The following RAD51B variants were observed in gnomAD, a reference collection of about 807,000 sequenced individuals.
RAD51B encodes RAD51 paralog B.
A neutral mutation model predicts 42.2 loss-of-function variants in RAD51B; 38 were observed. That is an observed-to-expected ratio of 0.90 (90% CI 0.70 to 1.18). RAD51B has a LOEUF of 1.18. Ranked by LOEUF, RAD51B falls within the 50% of genes most tolerant of loss-of-function variation. The pLI is 0.00. For synonymous variants in RAD51B, 154 were observed against 145.2 expected, an observed-to-expected ratio of 1.06 and a Z score of -0.43; for missense variants, 373 against 400.7, an observed-to-expected ratio of 0.93 and a Z score of 0.59.
At chr14:67,954,362 G>T (rs994693681) in intron 7 of RAD51B, among the ~76,000 whole-genome samples, 6 of 152,054 alleles carry the variant, frequency 3.9e-5, no homozygotes, top group Admixed American at 2.0e-4. Flanking sequence ...TTATTAGTGA[G>T]GGAAATAATA....
intron 7 of RAD51B, among the ~76,000 whole-genome samples, chr14:68,065,149 C>T (rs1328208049): frequency 6.6e-6 from 1 of 152,032 alleles, no homozygotes; most frequent in Non-Finnish European, 1.5e-5. Flanking sequence ...GTTTTAGGGT[C>T]TCAGTTGGGT....
intron 7 of RAD51B, among the ~76,000 whole-genome samples, chr14:67,946,004 A>G (rs938808020): frequency 1.3e-5 from 2 of 152,180 alleles, no homozygotes; most frequent in African/African-American, 4.8e-5. Flanking sequence ...TTGTGGAAAG[A>G]TAACTGTCTT....
At chr14:68,666,820 T>C (rs1275827930) in intron 11 of RAD51B, among the ~76,000 whole-genome samples, 2 of 152,218 alleles carry the variant, frequency 1.3e-5, no homozygotes, top group Non-Finnish European at 2.9e-5. Flanking sequence ...TCCCCCAGTG[T>C]ATTATAAAGG....
intron 8 of RAD51B, among the ~76,000 whole-genome samples, chr14:68,403,110 C>T (rs558671503): frequency 5.3e-5 from 8 of 152,300 alleles, no homozygotes; most frequent in Admixed American, 4.6e-4. Flanking sequence ...CCATCTTCTT[C>T]CCTGGATTTA....
chr14:68,470,627 C>T (rs2086099820), intron 10 of RAD51B: 2 of 499,598 alleles, frequency 4.0e-6, no homozygotes, highest in South Asian at 3.2e-5. Flanking sequence ...CATTTGAAAA[C>T]AGAGAGAGAG....
intron 7 of RAD51B, among the ~76,000 whole-genome samples, chr14:68,119,850 G>A (rs879453370): frequency 1.4e-5 from 2 of 147,150 alleles, no homozygotes; most frequent in African/African-American, 5.0e-5. Context: ...GGGATGGCTG[G>A]GTCAAATGGT....
intron 7 of RAD51B, 190 bp downstream of exon 7, chr14:67,887,394 A>G: frequency 2.3e-6 from 1 of 440,070 alleles, no homozygotes; most frequent in Admixed American, 4.0e-5. Flanking sequence ...TGCTGAGATT[A>G]TTTTATTATT....
rs572935395 is a variant in RAD51B at position 67,825,492 on chromosome 14, T to A, written c.113T>A (p.Leu38His). The A allele has an allele frequency of 6.2e-7, 1 of 1,613,602 alleles. No individual in the cohort carries two copies. Among genetic ancestry groups the A allele is most frequent in the South Asian group, 1.1e-5 (1 of 91,028 alleles). The change falls in exon 3 of 11, where the codon CTT (leucine) becomes CAT (histidine). Residue 38 changes from leucine to histidine, a missense_variant. By Grantham distance (99) the Leu-to-His change is moderately conservative (BLOSUM62 -3). Coordinates refer to ENST00000471583, the MANE Select transcript of RAD51B (RefSeq NM_133510.4). ...QDFLCLSPLE[L>H]MKVTGLSYRG... Reference sequence around the variant, plus strand: ...TTTTTATGTCTTTCCCCACTGGAGCTTATGAAGGTGACTGGTCTGAGTTAT... The same window carrying A: ...TTTTTATGTCTTTCCCCACTGGAGCATATGAAGGTGACTGGTCTGAGTTAT...
At chr14:68,039,370 G>A (rs2076182842) in intron 7 of RAD51B, among the ~76,000 whole-genome samples, 1 of 148,590 alleles carries the variant, frequency 6.7e-6, no homozygotes, top group Admixed American at 6.8e-5. Flanking sequence ...GAAGGTTGCT[G>A]TGAGCCATTA....
chr14:68,437,921 A>G (rs1051429943), intron 9 of RAD51B, among the ~76,000 whole-genome samples: 2 of 152,194 alleles, frequency 1.3e-5, no homozygotes, highest in African/African-American at 4.8e-5. Context: ...TAGATGAAGT[A>G]GGAGACTGAG....
intron 7 of RAD51B, among the ~76,000 whole-genome samples, chr14:68,126,386 T>C (rs2077760412): frequency 6.6e-6 from 1 of 152,228 alleles, no homozygotes; most frequent in African/African-American, 2.4e-5. Context: ...AAAATTACTT[T>C]CCTTCTTTAT....
rs1221297036 is a variant in RAD51B, at chr14:68,053,581, ATAGAATGG to A, written c.756+166379_756+166386del. Among the ~76,000 whole-genome samples the A allele has an allele frequency of 2.0e-5, 3 of 152,332 alleles. No individual in the cohort carries two copies. In the East Asian group the frequency reaches 5.8e-4, roughly 29 times the overall value. Reference sequence around the variant, plus strand: ...AATGATAGAGACTGAGAATGAGAAGATAGAATGGTTGTTCTGGAAGTGATTGCTTCTCT... The same window carrying A: ...AATGATAGAGACTGAGAATGAGAAGATTGTTCTGGAAGTGATTGCTTCTCT... On this transcript the variant is annotated intron_variant, in intron 7 of 10. Coordinates refer to ENST00000471583, the MANE Select transcript of RAD51B (RefSeq NM_133510.4).
chr14:68,225,148 A>T (rs750998393), intron 7 of RAD51B, among the ~76,000 whole-genome samples: 18 of 152,208 alleles, frequency 1.2e-4, no homozygotes, highest in Admixed American at 3.9e-4. Context: ...CAAACAGAAA[A>T]CACTGTAGGG....
intron 10 of RAD51B, among the ~76,000 whole-genome samples, chr14:68,489,092 T>C (rs7140827): frequency 0.16 from 23,986 of 151,272 alleles, 1,954 homozygotes; most frequent in Middle Eastern, 0.26. Context: ...TAGCTGGGAT[T>C]ACAGGCGCAC....
chr14:67,897,759 C>G (rs1272204610), intron 7 of RAD51B, among the ~76,000 whole-genome samples: 3 of 151,808 alleles, frequency 2.0e-5, no homozygotes, highest in South Asian at 4.2e-4. Context: ...AAGTGATTTT[C>G]CTGTCTCAGT....
At chr14:67,885,758 G>A in intron 5 of RAD51B, 111 bp from the exon 6 acceptor site, 1 of 1,379,270 alleles carries the variant, frequency 7.3e-7, no homozygotes, top group Non-Finnish European at 9.6e-7. Flanking sequence ...GCTTATACCT[G>A]CTCTATTGAT....
intron 8 of RAD51B, among the ~76,000 whole-genome samples, chr14:68,334,265 A>G (rs766558917): frequency 1.0e-3 from 157 of 152,154 alleles, no homozygotes; most frequent in Non-Finnish European, 7.2e-4. Flanking sequence ...GATAACATAA[A>G]CAGTCAACAC....
chr14:67,852,853 G>A (rs1048381432), intron 4 of RAD51B, among the ~76,000 whole-genome samples: 1 of 152,066 alleles, frequency 6.6e-6, no homozygotes, highest in East Asian at 1.9e-4. Flanking sequence ...TTCTTAAATG[G>A]CCTCTCAAAG....
At chr14:68,282,565 C>G (rs1259852081) in intron 7 of RAD51B, among the ~76,000 whole-genome samples, 1 of 152,148 alleles carries the variant, frequency 6.6e-6, no homozygotes, top group Non-Finnish European at 1.5e-5. Flanking sequence ...TGCCCCCACC[C>G]CTCCTTTTAA....
Sources: allele counts gnomAD v4.1 joint callset (sites outside exome capture counted in the v4.1 genomes callset), GRCh38; gene constraint gnomAD v4.1.1; transcripts MANE v1.5; gene names NCBI Gene and HGNC (gene_info 2026-07-23, HGNC 2026-07-21).